WDR35: variants seen among roughly 807,000 people sequenced by gnomAD.
WDR35 encodes the protein WD repeat-containing protein 35.
In WDR35, 118 loss-of-function variants were observed where a neutral mutation model predicts 158.3. The ratio of observed to expected loss-of-function variants is 0.75; its 90% CI spans 0.64 to 0.87. WDR35 has a LOEUF of 0.87. Among genes scored for constraint, WDR35 ranks in the 40% least tolerant of loss-of-function variants. WDR35 has a pLI of 0.00. For missense variants in WDR35, 1,263 were observed against 1,405.8 expected (o/e 0.90, Z 1.62); for synonymous variants, 448 against 476.1 (o/e 0.94, Z 0.77).
rs144493712 is a variant in WDR35, at chr2:19,937,861, T to C, written c.2149A>G (p.Ile717Val). ...AFVRCKDYQG[I>V]KFVKRLGKLL... Reference sequence around the variant, plus strand: ...TTGCCCAAGCGCTTCACAAACTTAATGCCTTGGTAATCTTTGCAGCGCACA... The same window carrying C: ...TTGCCCAAGCGCTTCACAAACTTAACGCCTTGGTAATCTTTGCAGCGCACA... The change falls in exon 19 of 27, where the codon ATT (isoleucine) becomes GTT (valine). Residue 717 changes from isoleucine (I) to valine (V), a missense_variant. Physicochemically the swap from Ile to Val is conservative, Grantham distance 29. Transcript: ENST00000281405. 1.1e-3 allele frequency: 1,823 copies of C among 1,614,166 alleles called. 32 individuals carry two copies. The Admixed American group carries it at 0.03, about 26-fold the overall frequency.
intron 16 of WDR35, 131 bp from the exon 17 acceptor site, chr2:19,941,970 C>T (rs539678115): frequency 3.8e-5 from 24 of 632,332 alleles, no homozygotes; most frequent in African/African-American, 3.1e-4. Context: ...ACCCATATAC[C>T]CATAACCTAA....
At chr2:19,955,964 G>A (rs1671415088) in intron 11 of WDR35, among the ~76,000 whole-genome samples, 1 of 151,930 alleles carries the variant, frequency 6.6e-6, no homozygotes, top group Non-Finnish European at 1.5e-5. Context: ...TTCAAAATGT[G>A]TACTATTACC....
chr2:19,930,541 G>A lies in WDR35; in HGVS notation c.2976C>T (p.Ala992=), dbSNP rs1292184258. Residue 992 remains alanine, a synonymous_variant, in exon 25 of 27, where the codon GCC becomes GCT. Transcript: ENST00000281405. ...CTTCTTCTTCCAGCAAACCAGCCAA[G>A]GCAGAAGTGGCCTACGAGTAAAGTC... The part of the protein sequence containing the change: ...VKGKSSEATS[A]LAGLLEEEVL... 1 of 1,613,948 alleles carries A rather than the reference G, an allele frequency of 6.2e-7. No homozygotes were observed. Among genetic ancestry groups the A allele is most frequent in the Non-Finnish European group, 8.5e-7 (1 of 1,180,016 alleles).
At chr2:19,954,273 T>G (rs1342564756) in intron 11 of WDR35, among the ~76,000 whole-genome samples, 2 of 152,224 alleles carry the variant, frequency 1.3e-5, no homozygotes, top group Non-Finnish European at 2.9e-5. Flanking sequence ...ATAATTGGCT[T>G]CTTAGATATG....
chr2:19,931,245 A>G lies in WDR35; in HGVS notation c.2964+24T>C, dbSNP rs775837093. On this transcript the variant is annotated intron_variant, in intron 24 of 26. Transcript: ENST00000281405. ...TTTCTTAAACACTTCCAATGATGTA[A>G]TGTTATTTAACGTGCTACTTTACCT... 13 of 1,610,970 alleles carry G rather than the reference A, an allele frequency of 8.1e-6. No homozygotes were observed. The East Asian group carries it at 2.9e-4, about 36-fold the overall frequency.
chr2:19,916,538 T>C (rs1669997191), intron 25 of WDR35, among the ~76,000 whole-genome samples: 1 of 152,200 alleles, frequency 6.6e-6, no homozygotes. Flanking sequence ...CCTGGGATGC[T>C]TGAGCTTGGT....
At chr2:19,950,418 A>T (rs1671199258) in intron 13 of WDR35, among the ~76,000 whole-genome samples, 1 of 152,206 alleles carries the variant, frequency 6.6e-6, no homozygotes, top group Admixed American at 6.5e-5. Flanking sequence ...AATACAGAAT[A>T]GTCTTTCAAG....
Position 19,913,538 on chromosome 2 carries a change from A to G in WDR35, c.*20T>C, listed in dbSNP as rs1669898503. On this transcript the variant is annotated 3_prime_UTR_variant, in exon 27 of 27. Coordinates refer to ENST00000281405, the MANE Select transcript of WDR35 (RefSeq NM_020779.4). ...TATATGCTACATATATTTTACAGTTATATACAGTTTATCATTCCTTTATCC... is the reference window on the plus strand; with the variant it reads ...TATATGCTACATATATTTTACAGTTGTATACAGTTTATCATTCCTTTATCC... 1 of 1,613,960 alleles carries G rather than the reference A, an allele frequency of 6.2e-7. No individual in the cohort carries two copies.
At chr2:19,980,872 A>G in intron 3 of WDR35, 89 bp from the exon 4 acceptor site, 1 of 1,170,974 alleles carries the variant, frequency 8.5e-7, no homozygotes. Context: ...TCATGTTAAA[A>G]TCAATATGGT....
intron 3 of WDR35, among the ~76,000 whole-genome samples, chr2:19,982,091 G>A (rs1468491226): frequency 1.3e-5 from 2 of 152,134 alleles, no homozygotes; most frequent in Non-Finnish European, 1.5e-5. Context: ...AGTAGAAACC[G>A]TACTTCGAGT....
intron 8 of WDR35, among the ~76,000 whole-genome samples, chr2:19,972,754 T>C (rs1003904468): frequency 1.1e-4 from 17 of 152,042 alleles, no homozygotes; most frequent in Admixed American, 3.9e-4. Context: ...TGGTATAGGC[T>C]TTTATGCAGC....
chr2:19,931,161 C>T, intron 24 of WDR35, 108 bp downstream of exon 24: 3 of 1,270,208 alleles, frequency 2.4e-6, no homozygotes, highest in Non-Finnish European at 3.2e-6. Context: ...GAAACAAATG[C>T]AGACATGCAA....
intron 11 of WDR35, 27 bp downstream of exon 11, chr2:19,960,527 A>G: frequency 1.9e-6 from 3 of 1,566,014 alleles, no homozygotes; most frequent in Non-Finnish European, 1.8e-6. Flanking sequence ...CTGATTGGAA[A>G]AGAAATAAAT....
intron 24 of WDR35, 72 bp downstream of exon 24, chr2:19,931,197 G>C: frequency 1.3e-6 from 2 of 1,523,698 alleles, no homozygotes; most frequent in South Asian, 2.4e-5. Flanking sequence ...CATAAAAGAA[G>C]TTTAATAGTT....
chr2:19,938,408 G>A lies in WDR35; in HGVS notation c.1927-7C>T. 6.2e-7 allele frequency: 1 copy of A among 1,609,540 alleles called. No homozygotes were observed. Among genetic ancestry groups the A allele is most frequent in the South Asian group, 1.1e-5 (1 of 90,950 alleles). ...TGTTTGGATGTTCTGGATCCTAAAAGTAAAGATGAAAACAAAAAAATTCAA... is the reference window on the plus strand; with the variant it reads ...TGTTTGGATGTTCTGGATCCTAAAAATAAAGATGAAAACAAAAAAATTCAA... On this transcript the variant is annotated splice_region_variant and splice_polypyrimidine_tract_variant and intron_variant, in intron 17 of 26. Transcript: ENST00000281405.
In WDR35 at chr2:19,979,772, TACAC is replaced by T. The variant is rs67421990; in HGVS notation, c.308-897_308-894del. ...CACTGAACTTTCACATTCTATCCCCTACACACACACACACACACACACACACACA... is the reference window on the plus strand; with the variant it reads ...CACTGAACTTTCACATTCTATCCCCTACACACACACACACACACACACACA... On this transcript the variant is annotated intron_variant, in intron 4 of 26. Coordinates refer to ENST00000281405, the MANE Select transcript of WDR35 (RefSeq NM_020779.4). Among the ~76,000 whole-genome samples the T allele has an allele frequency of 5.2e-3, 754 of 145,734 alleles. 7 individuals carry two copies. Among genetic ancestry groups the T allele is most frequent in the African/African-American group, 0.01 (410 of 39,896 alleles).
intron 13 of WDR35, among the ~76,000 whole-genome samples, chr2:19,950,774 A>AC (rs1164579194): frequency 6.6e-6 from 1 of 152,168 alleles, no homozygotes; most frequent in Non-Finnish European, 1.5e-5. Context: ...TTAAGCTTGC[A>AC]CCCTTGCTTT....
At chr2:19,918,399 C>A (rs2103383138) in intron 25 of WDR35, among the ~76,000 whole-genome samples, 1 of 152,282 alleles carries the variant, frequency 6.6e-6, no homozygotes, top group Admixed American at 6.5e-5. Flanking sequence ...ACAATATTAA[C>A]CTTAAATGTA....
intron 8 of WDR35, among the ~76,000 whole-genome samples, chr2:19,972,089 C>A (rs77973590): frequency 1.3e-5 from 2 of 152,136 alleles, no homozygotes; most frequent in East Asian, 3.9e-4. Flanking sequence ...CCCAGGAGCC[C>A]CTGGCCCTCA....
Sources: allele counts gnomAD v4.1 joint callset (sites outside exome capture counted in the v4.1 genomes callset), GRCh38; gene constraint gnomAD v4.1.1; transcripts MANE v1.5; gene names NCBI Gene and HGNC (gene_info 2026-07-23, HGNC 2026-07-21).